Variants in STK3 observed in about 807,000 individuals in gnomAD.
STK3 encodes the protein serine/threonine kinase 3.
In STK3, 41 loss-of-function variants were observed where a neutral mutation model predicts 58.0. That is an observed-to-expected ratio of 0.71 (90% CI 0.55 to 0.92). The LOEUF (loss-of-function observed/expected upper bound fraction) is 0.92, where lower values mean the gene tolerates loss of function less well. STK3 is among the 40% of genes least tolerant of loss of function. STK3 has a pLI of 0.00. For missense variants in STK3, 479 were observed against 602.7 expected, an observed-to-expected ratio of 0.79 and a Z score of 2.15; for synonymous variants, 170 against 191.0, an observed-to-expected ratio of 0.89 and a Z score of 0.91.
intron 6 of STK3, among the ~76,000 whole-genome samples, chr8:98,666,190 A>G (rs1050099714): frequency 2.9e-5 from 4 of 139,002 alleles, no homozygotes; most frequent in African/African-American, 1.1e-4. Context: ...TTGTAAATGT[A>G]AAAAAAAAAA....
At chr8:98,867,131 A>G (rs1157000189) in intron 3 of STK3, among the ~76,000 whole-genome samples, 2 of 152,188 alleles carry the variant, frequency 1.3e-5, no homozygotes, top group African/African-American at 4.8e-5. Context: ...AAAATGGGGA[A>G]ACTGGCCTGG....
At chr8:98,367,344 T>G (rs1422881350), downstream of STK3, among the ~76,000 whole-genome samples, 1 of 152,172 alleles carries the variant, frequency 6.6e-6, no homozygotes, top group African/African-American at 2.4e-5. Flanking sequence ...AGTGAGTCAG[T>G]GGGGGTGAGT....
chr8:98,729,318 C>A (rs1279187084), intron 4 of STK3, among the ~76,000 whole-genome samples: 2 of 152,106 alleles, frequency 1.3e-5, no homozygotes, highest in Admixed American at 1.3e-4. Flanking sequence ...CTATGTCAGC[C>A]AGGTTGGTCT....
chr8:98,919,571 T>G (rs1839477631), intron 1 of STK3, among the ~76,000 whole-genome samples: 1 of 152,170 alleles, frequency 6.6e-6, no homozygotes, highest in Non-Finnish European at 1.5e-5. Flanking sequence ...ACATGGGTGA[T>G]GTATCCATTT....
At chr8:98,649,982 T>C (rs1021908837) in intron 6 of STK3, among the ~76,000 whole-genome samples, 9 of 152,210 alleles carry the variant, frequency 5.9e-5, no homozygotes, top group Non-Finnish European at 1.2e-4. Flanking sequence ...TTTCTAGTTT[T>C]TGAAACTACT....
chr8:98,528,913 A>G (rs1290586397), intron 9 of STK3, among the ~76,000 whole-genome samples: 1 of 152,136 alleles, frequency 6.6e-6, no homozygotes, highest in Non-Finnish European at 1.5e-5. Context: ...TTGGCTGTCT[A>G]TTTTTAATAT....
chr8:98,462,868 C>G (rs1023533203), intron 10 of STK3: 6 of 152,100 alleles, frequency 3.9e-5, no homozygotes, highest in African/African-American at 1.4e-4. Context: ...CTAATGTGAT[C>G]TTTTCAGGGG....
chr8:98,399,712 A>G (rs1817925749), downstream of STK3, among the ~76,000 whole-genome samples: 1 of 152,218 alleles, frequency 6.6e-6, no homozygotes, highest in Non-Finnish European at 1.5e-5. Flanking sequence ...AAAGAGAATG[A>G]ATTGCCGATC....
Position 98,893,486 on chromosome 8 carries a change from G to GAGAAAGAAAGAGAGAA in STK3, c.-78-9653_-78-9652insTTCTCTCTTTCTTTCT, listed in dbSNP as rs1838312783. On this transcript the variant is annotated intron_variant, in intron 1 of 1. Coordinates refer to the STK3 transcript ENST00000519420. ...AGAAAGAAAGAAAGAAAGAAAGAAA[G>GAGAAAGAAAGAGAGAA]AGAAAGAAAGAAAGAAAGAAAGAAA... Among the ~76,000 whole-genome samples the GAGAAAGAAAGAGAGAA allele has an allele frequency of 2.2e-3, 93 of 43,034 alleles. 1 individual carries two copies. The highest frequency in any genetic ancestry group is 9.8e-3 in the African/African-American group (90 of 9,220). The allele number at this position is 43,034 out of a possible 152,430, so 28.2% of individuals were successfully genotyped here. A position where few individuals can be genotyped will look rare whatever the true frequency, so the allele number is the denominator to read the frequency against.
rs555801066 is a variant in STK3 at position 98,824,678 on chromosome 8, T to C, written c.26+837A>G. On this transcript the variant is annotated intron_variant, in intron 1 of 10. Transcript: ENST00000419617. ...ACATGTCTAGTCACACAATTCACAATAGCTCCCAAAGTTCCTAACTTTTCA... is the reference window on the plus strand; with the variant it reads ...ACATGTCTAGTCACACAATTCACAACAGCTCCCAAAGTTCCTAACTTTTCA... 3.9e-5 allele frequency among the ~76,000 whole-genome samples: 6 copies of C among 152,262 alleles called. No homozygotes were observed. In the South Asian group the frequency reaches 1.0e-3, roughly 26 times the overall value.
downstream of STK3, among the ~76,000 whole-genome samples, chr8:98,368,148 G>A (rs919295131): frequency 6.6e-6 from 1 of 152,190 alleles, no homozygotes; most frequent in Non-Finnish European, 1.5e-5. Flanking sequence ...CTTGCAAGAA[G>A]CAATATGTTG....
Position 98,455,997 on chromosome 8 carries a change from T to G in STK3, c.1321A>C (p.Lys441Gln). The G allele has an allele frequency of 6.2e-7, 1 of 1,604,744 alleles. No homozygotes were observed. Among genetic ancestry groups the G allele is most frequent in the Non-Finnish European group, 8.5e-7 (1 of 1,175,206 alleles). The change falls in exon 11 of 11, where the codon AAA (lysine) becomes CAA (glutamine). Residue 441 changes from lysine to glutamine, a missense_variant. Coordinates refer to ENST00000419617, the MANE Select transcript of STK3 (RefSeq NM_006281.4). Reference sequence around the variant, plus strand: ...TGTAGTTCTTCTAAACTTAGATTTTTCAACTAGATACAGAAAGAAAGATAC... The same window carrying G: ...TGTAGTTCTTCTAAACTTAGATTTTGCAACTAGATACAGAAAGAAAGATAC... ...VPQDGDFDFL[K>Q]NLSLEELQMR...
chr8:98,907,781 T>A (rs1838974315), intron 1 of STK3, among the ~76,000 whole-genome samples: 1 of 152,246 alleles, frequency 6.6e-6, no homozygotes, highest in Admixed American at 6.5e-5. Context: ...CCCAATTGTG[T>A]CATAAAGTTG....
At chr8:98,377,282 T>G (rs994009248) in intron 2 of STK3, among the ~76,000 whole-genome samples, 1 of 152,328 alleles carries the variant, frequency 6.6e-6, no homozygotes, top group South Asian at 2.1e-4. Context: ...AATCTTATAT[T>G]AATTCTTTTT....
chr8:98,355,999 T>G, the STK3 span, among the ~76,000 whole-genome samples: 1 of 152,230 alleles, frequency 6.6e-6, no homozygotes, highest in Non-Finnish European at 1.5e-5. Context: ...GTAGATGTTA[T>G]AATGCAATGG....
Position 98,526,656 on chromosome 8 carries a change from TTCA to T in STK3, c.1317+83_1317+85del, listed in dbSNP as rs1027521146. The T allele has an allele frequency of 2.6e-6, 3 of 1,174,982 alleles. No homozygotes were observed. In the African/African-American group the frequency reaches 4.6e-5, roughly 18 times the overall value. 72.8% of individuals were successfully genotyped at this position (1,174,982 alleles called of 1,614,324 possible). ...TATAATTGTATATACATACACACAGTTCATATACATATGAACTATGCTTCTCAA... is the reference window on the plus strand; with the variant it reads ...TATAATTGTATATACATACACACAGTTATACATATGAACTATGCTTCTCAA... On this transcript the variant is annotated intron_variant, in intron 10 of 10. Coordinates refer to ENST00000419617, the MANE Select transcript of STK3 (RefSeq NM_006281.4).
At chr8:98,683,349 G>A (rs1823768374) in intron 6 of STK3, among the ~76,000 whole-genome samples, 1 of 151,962 alleles carries the variant, frequency 6.6e-6, no homozygotes, top group African/African-American at 2.4e-5. Flanking sequence ...ATGCTAAGTT[G>A]TAAGTACAAC....
rs548360692 is a variant in STK3, at chr8:98,637,636, C to T, written c.685-41467G>A. On this transcript the variant is annotated intron_variant, in intron 6 of 10. Coordinates refer to ENST00000419617, the MANE Select transcript of STK3 (RefSeq NM_006281.4). ...GCACTCCTGCATAATATCAGTTTTC[C>T]CCTAATTCAACTCCAATGTCTTATT... Among the ~76,000 whole-genome samples the T allele has an allele frequency of 2.6e-5, 4 of 152,172 alleles. No homozygotes were observed. In the South Asian group the frequency reaches 8.3e-4, roughly 32 times the overall value.
intron 10 of STK3, among the ~76,000 whole-genome samples, chr8:98,521,421 C>T (rs900310620): frequency 6.6e-6 from 1 of 152,060 alleles, no homozygotes; most frequent in Admixed American, 6.6e-5. Flanking sequence ...CTTTCCTCCT[C>T]ATTCTTGTTT....
Sources: allele counts gnomAD v4.1 joint callset (sites outside exome capture counted in the v4.1 genomes callset), GRCh38; gene constraint gnomAD v4.1.1; transcripts MANE v1.5; gene names NCBI Gene and HGNC (gene_info 2026-07-23, HGNC 2026-07-21).